IMMP2L: variants seen among roughly 807,000 people sequenced by gnomAD.
IMMP2L encodes the protein inner mitochondrial membrane peptidase subunit 2, also known as mitochondrial inner membrane protease subunit 2.
Under a neutral mutation model 19.3 loss-of-function variants are expected in IMMP2L, and 18 were observed. That is an observed-to-expected ratio of 0.93 (90% CI 0.64 to 1.38). IMMP2L has a LOEUF of 1.38. IMMP2L is among the 40% of genes most tolerant of loss of function. The pLI is 0.00. For synonymous variants in IMMP2L, 76 were observed against 73.0 expected (o/e 1.04, Z -0.21); for missense variants, 233 against 218.2 (o/e 1.07, Z -0.43).
chr7:111,095,098 T>C (rs1012301762), intron 3 of IMMP2L, among the ~76,000 whole-genome samples: 3 of 152,040 alleles, frequency 2.0e-5, no homozygotes, highest in African/African-American at 7.2e-5. Context: ...GAATTTTCTA[T>C]GGTGCCATTA....
At chr7:110,703,381 G>A (rs1794420212) in intron 5 of IMMP2L, among the ~76,000 whole-genome samples, 1 of 151,658 alleles carries the variant, frequency 6.6e-6, no homozygotes, top group Non-Finnish European at 1.5e-5. Flanking sequence ...CTGGAGTATT[G>A]GTATGTAGTT....
chr7:110,807,142 T>C (rs1196844097), intron 5 of IMMP2L, among the ~76,000 whole-genome samples: 1 of 152,018 alleles, frequency 6.6e-6, no homozygotes, highest in Non-Finnish European at 1.5e-5. Flanking sequence ...TAAAACCTAA[T>C]ATGCTCTAAT....
intron 3 of IMMP2L, among the ~76,000 whole-genome samples, chr7:111,273,596 A>C (rs1818709656): frequency 6.6e-6 from 1 of 152,122 alleles, no homozygotes; most frequent in Non-Finnish European, 1.5e-5. Flanking sequence ...AGGGAGGTGC[A>C]CGTGCAATAT....
chr7:110,998,054 T>G (rs898634738), intron 3 of IMMP2L, among the ~76,000 whole-genome samples: 8 of 152,240 alleles, frequency 5.3e-5, no homozygotes, highest in African/African-American at 1.9e-4. Flanking sequence ...TCATTATTCT[T>G]AATAGAGAAT....
Position 111,123,522 on chromosome 7 carries a change from A to G in IMMP2L, c.240-159957T>C. The G allele has an allele frequency of 6.2e-7, 1 of 1,613,984 alleles. No individual in the cohort carries two copies. The highest frequency in any genetic ancestry group is 8.5e-7 in the Non-Finnish European group (1 of 1,179,956). On this transcript the variant is annotated intron_variant, in intron 3 of 5. Transcript: ENST00000405709. The surrounding 1 kb of genome is among the most constrained non-coding windows in gnomAD (Gnocchi z 6.4). ...CTTTTTACGATAACAGGCTTATTAA[A>G]GTACCCCATGTTGCTCTTCAAAAAG...
At chr7:111,437,527 T>C (rs7802718) in intron 3 of IMMP2L, among the ~76,000 whole-genome samples, 3,244 of 152,014 alleles carry the variant, frequency 0.021, 207 homozygotes, top group African/African-American at 0.074. Context: ...TGTCAGACTA[T>C]CTTTAGCAAC....
At chr7:111,322,572 T>C (rs1824845950) in intron 3 of IMMP2L, among the ~76,000 whole-genome samples, 1 of 151,524 alleles carries the variant, frequency 6.6e-6, no homozygotes, top group South Asian at 2.1e-4. Flanking sequence ...AGAAATTCGA[T>C]ATCTGGGTGG....
At chr7:111,536,208 T>C (rs1311941541) in intron 1 of IMMP2L, among the ~76,000 whole-genome samples, 1 of 152,182 alleles carries the variant, frequency 6.6e-6, no homozygotes, top group Non-Finnish European at 1.5e-5. Flanking sequence ...AAAAGGTAAA[T>C]CAGGTAATTT....
At chr7:111,480,350 G>A (rs1842073218) in intron 3 of IMMP2L, among the ~76,000 whole-genome samples, 1 of 152,004 alleles carries the variant, frequency 6.6e-6, no homozygotes, top group African/African-American at 2.4e-5. Context: ...AAAGTGCTGA[G>A]ATTACAGGCG....
chr7:111,476,841 T>A (rs1468254593), intron 3 of IMMP2L, among the ~76,000 whole-genome samples: 1 of 152,148 alleles, frequency 6.6e-6, no homozygotes, highest in East Asian at 1.9e-4. Flanking sequence ...CTTCCCTAAC[T>A]ACTACTTCTG....
intron 3 of IMMP2L, among the ~76,000 whole-genome samples, chr7:111,036,796 T>C (rs1195586842): frequency 6.6e-6 from 1 of 152,180 alleles, no homozygotes; most frequent in African/African-American, 2.4e-5. Flanking sequence ...TTTGGATAGG[T>C]AAATAAGTGG....
At chr7:111,225,857 G>T (rs188197570) in intron 3 of IMMP2L, among the ~76,000 whole-genome samples, 38 of 152,190 alleles carry the variant, frequency 2.5e-4, no homozygotes, top group African/African-American at 8.7e-4. Flanking sequence ...GATAAGACTT[G>T]TTAAGTGTTC....
chr7:111,497,499 T>C (rs1563270032), intron 2 of IMMP2L, among the ~76,000 whole-genome samples: 1 of 152,084 alleles, frequency 6.6e-6, no homozygotes, highest in African/African-American at 2.4e-5. Flanking sequence ...AAAATTACAT[T>C]GTGGAAAAAT....
intron 1 of IMMP2L, among the ~76,000 whole-genome samples, chr7:111,559,994 AAAT>A (rs1212777796): frequency 2.0e-5 from 3 of 148,592 alleles, no homozygotes; most frequent in African/African-American, 7.5e-5. Context: ...CAATTTTATC[AAAT>A]AACAGTGAAA....
At chr7:110,694,477 A>G (rs937120553) in intron 5 of IMMP2L, among the ~76,000 whole-genome samples, 13 of 152,200 alleles carry the variant, frequency 8.5e-5, no homozygotes, top group African/African-American at 3.1e-4. Flanking sequence ...GAAAAGAAAA[A>G]GTAATATTTA....
intron 5 of IMMP2L, among the ~76,000 whole-genome samples, chr7:110,743,452 T>TA (rs1289413655): frequency 6.6e-6 from 1 of 152,128 alleles, no homozygotes; most frequent in Non-Finnish European, 1.5e-5. Flanking sequence ...AATGTTTTTT[T>TA]AAAAAAAATA....
intron 3 of IMMP2L, among the ~76,000 whole-genome samples, chr7:111,319,425 A>T (rs114697665): frequency 0.023 from 3,478 of 152,166 alleles, 134 homozygotes; most frequent in African/African-American, 0.079. Flanking sequence ...CGTAAAAAAA[A>T]TTCATAGTTT....
At chr7:110,666,851 A>G (rs1791493550) in intron 5 of IMMP2L, among the ~76,000 whole-genome samples, 1 of 152,166 alleles carries the variant, frequency 6.6e-6, no homozygotes, top group Non-Finnish European at 1.5e-5. Flanking sequence ...GCTGAGTACA[A>G]ATTAAGATGT....
chr7:111,163,725 T>G (rs1419799537), intron 3 of IMMP2L, among the ~76,000 whole-genome samples: 3 of 152,088 alleles, frequency 2.0e-5, no homozygotes, highest in African/African-American at 4.8e-5. Flanking sequence ...AGACTTGAGA[T>G]GCAGTGGATG....
Sources: gnomAD v4.1 joint callset for allele counts (sites outside exome capture counted in the v4.1 genomes callset) on GRCh38, gnomAD v4.1.1 for gene constraint, Gnocchi (gnomAD v3.1) non-coding constraint, MANE v1.5 for transcripts, NCBI Gene and HGNC (gene_info 2026-07-23, HGNC 2026-07-21) for gene names.